Variants in VAV3 observed in about 807,000 individuals in gnomAD.
The protein encoded by VAV3 is guanine nucleotide exchange factor VAV3.
A neutral mutation model predicts 131.2 loss-of-function variants in VAV3; 94 were observed. The ratio of observed to expected loss-of-function variants is 0.72; its 90% CI spans 0.61 to 0.85. The LOEUF is 0.85. Ranked by LOEUF, VAV3 falls within the 40% of genes least tolerant of loss-of-function variation. The pLI, the probability that VAV3 is intolerant of heterozygous loss-of-function variation, is 0.00. For missense variants in VAV3, 939 were observed against 1,002.7 expected (o/e 0.94, Z 0.86); for synonymous variants, 349 against 342.0 (o/e 1.02, Z -0.22).
chr1:107,792,513 T>C (rs74465382), intron 2 of VAV3, among the ~76,000 whole-genome samples: 1,767 of 152,236 alleles, frequency 0.012, 21 homozygotes, highest in East Asian at 0.039. Flanking sequence ...TTTCAACAGG[T>C]AATAAAGCCA....
At position 107,916,013 on chromosome 1, in the gene VAV3, T is replaced by G. The variant is rs534039496; in HGVS notation, c.205-40996A>C. ...AATGAGGGGAGCATTTAACTCAGCG[T>G]AGAAGTTCAGAGAAGGCCTTCAAGC... On this transcript the variant is annotated intron_variant, in intron 1 of 26. Transcript: ENST00000370056. 5.3e-5 allele frequency among the ~76,000 whole-genome samples: 8 copies of G among 152,176 alleles called. No homozygotes were observed. In the South Asian group the frequency reaches 1.7e-3, roughly 32 times the overall value.
intron 2 of VAV3, among the ~76,000 whole-genome samples, chr1:107,826,297 T>C (rs533695007): frequency 3.3e-5 from 5 of 152,304 alleles, no homozygotes; most frequent in Non-Finnish European, 5.9e-5. Context: ...CTATGCAGAT[T>C]TGAAACCTGT....
chr1:107,964,061 T>A (rs1416793494), intron 1 of VAV3, among the ~76,000 whole-genome samples: 1 of 152,204 alleles, frequency 6.6e-6, no homozygotes, highest in Non-Finnish European at 1.5e-5. Flanking sequence ...CTCACATGGC[T>A]TAGGAAGAGC....
intron 20 of VAV3, among the ~76,000 whole-genome samples, chr1:107,620,980 A>T (rs1233636743): frequency 1.3e-5 from 2 of 152,158 alleles, no homozygotes; most frequent in Non-Finnish European, 2.9e-5. Flanking sequence ...CATTCAAATC[A>T]GGACCTTTTG....
At chr1:107,655,685 G>A (rs1433293537) in intron 19 of VAV3, among the ~76,000 whole-genome samples, 1 of 151,978 alleles carries the variant, frequency 6.6e-6, no homozygotes, top group East Asian at 1.9e-4. Context: ...GAGAATGGGA[G>A]AAAATATTTG....
At chr1:107,715,608 A>C (rs1007660033) in intron 15 of VAV3, among the ~76,000 whole-genome samples, 12 of 152,194 alleles carry the variant, frequency 7.9e-5, no homozygotes, top group Admixed American at 7.9e-4. Flanking sequence ...TGGAACCAAC[A>C]ATCATGGTTC....
chr1:107,576,386 C>A, intron 25 of VAV3: 1 of 1,502,520 alleles, frequency 6.7e-7, no homozygotes, highest in Non-Finnish European at 8.8e-7. Flanking sequence ...AGTAGTAAAG[C>A]AGTACCTGAC....
chr1:107,851,233 G>A (rs887772667), intron 2 of VAV3, among the ~76,000 whole-genome samples: 3 of 150,300 alleles, frequency 2.0e-5, no homozygotes, highest in African/African-American at 7.3e-5. Context: ...GGGGACTCAT[G>A]AGAAGAGGGA....
At chr1:107,668,350 T>C (rs1393904724) in intron 19 of VAV3, among the ~76,000 whole-genome samples, 2 of 152,238 alleles carry the variant, frequency 1.3e-5, no homozygotes, top group Non-Finnish European at 2.9e-5. Context: ...AAGGATTTGG[T>C]TTAAAGCTCA....
At chr1:107,792,744 T>C (rs1666358271) in intron 2 of VAV3, among the ~76,000 whole-genome samples, 1 of 152,180 alleles carries the variant, frequency 6.6e-6, no homozygotes, top group Non-Finnish European at 1.5e-5. Flanking sequence ...AATTAATGTA[T>C]ATGTAAAATA....
At chr1:107,652,134 A>G (rs1656219424) in intron 19 of VAV3, among the ~76,000 whole-genome samples, 1 of 152,136 alleles carries the variant, frequency 6.6e-6, no homozygotes, top group Non-Finnish European at 1.5e-5. Context: ...ACAGGTCATA[A>G]AGACCTTGCT....
At position 107,908,759 on chromosome 1, in the gene VAV3, AG is replaced by A. The variant is rs549205580; in HGVS notation, c.205-33743del. Among the ~76,000 whole-genome samples the A allele has an allele frequency of 1.8e-4, 28 of 151,760 alleles. No homozygotes were observed. The South Asian group carries it at 4.8e-3, about 26-fold the overall frequency. ...TGTGACAGCTGATAGAAAAGGAGTA[AG>A]AAAAAGCAGTTGTTTTTTAAAATTT... On this transcript the variant is annotated intron_variant, in intron 1 of 26. Transcript: ENST00000370056.
At chr1:107,621,505 C>T (rs1403975446) in intron 20 of VAV3, among the ~76,000 whole-genome samples, 1 of 151,790 alleles carries the variant, frequency 6.6e-6, no homozygotes, top group Non-Finnish European at 1.5e-5. Context: ...GCTGTCAATC[C>T]CCTATGCATG....
At chr1:107,622,684 A>T (rs565323336) in intron 20 of VAV3, among the ~76,000 whole-genome samples, 1 of 152,170 alleles carries the variant, frequency 6.6e-6, no homozygotes, top group African/African-American at 2.4e-5. Context: ...AAACACTCTC[A>T]ATGTATGCAC....
chr1:107,732,141 C>A (rs1048762691), intron 15 of VAV3, among the ~76,000 whole-genome samples: 4 of 152,162 alleles, frequency 2.6e-5, no homozygotes, highest in African/African-American at 9.7e-5. Flanking sequence ...CTCCACAGAT[C>A]AAAACAATGT....
At chr1:107,659,446 C>G (rs148719016) in intron 19 of VAV3, among the ~76,000 whole-genome samples, 27 of 152,278 alleles carry the variant, frequency 1.8e-4, no homozygotes, top group Admixed American at 4.6e-4. Flanking sequence ...ATCCTATAGA[C>G]TTCAGCTCTT....
intron 19 of VAV3, among the ~76,000 whole-genome samples, chr1:107,662,714 T>A (rs1309675598): frequency 4.6e-5 from 7 of 152,190 alleles, no homozygotes; most frequent in African/African-American, 1.7e-4. Flanking sequence ...GGTACCATAC[T>A]TCCCAGAAAA....
intron 15 of VAV3, among the ~76,000 whole-genome samples, chr1:107,742,231 A>G (rs7547049): frequency 0.17 from 26,294 of 151,968 alleles, 2,380 homozygotes; most frequent in South Asian, 0.26. Flanking sequence ...ACAACTCATC[A>G]AGTCTTTTTT....
At chr1:107,694,973 G>A (rs1277595764) in intron 17 of VAV3, among the ~76,000 whole-genome samples, 1 of 152,202 alleles carries the variant, frequency 6.6e-6, no homozygotes, top group African/African-American at 2.4e-5. Flanking sequence ...AGGAGTGTCA[G>A]AAAAGGTTTT....
Sources: allele counts gnomAD v4.1 joint callset (sites outside exome capture counted in the v4.1 genomes callset), GRCh38; gene constraint gnomAD v4.1.1; transcripts MANE v1.5; gene names NCBI Gene and HGNC (gene_info 2026-07-23, HGNC 2026-07-21).